The following CSMD1 variants were observed in gnomAD, a reference collection of about 807,000 sequenced individuals.
The protein encoded by CSMD1 is CUB and Sushi multiple domains 1.
In CSMD1, 213 loss-of-function variants were observed where a neutral mutation model predicts 417.5. The observed-to-expected ratio is 0.51, with a 90% CI of 0.46 to 0.57. CSMD1 has a LOEUF of 0.57. Among genes scored for constraint, CSMD1 ranks in the 20% least tolerant of loss-of-function variants. CSMD1 has a pLI of 0.00. For synonymous variants in CSMD1, 2,862 were observed against 1,736.8 expected, an observed-to-expected ratio of 1.65 and a Z score of -16.11; for missense variants, 6,923 against 4,529.7, an observed-to-expected ratio of 1.53 and a Z score of -15.17.
chr8:4,394,305 C>G (rs143132589), intron 3 of CSMD1, among the ~76,000 whole-genome samples: 18 of 152,210 alleles, frequency 1.2e-4, no homozygotes, highest in Middle Eastern at 3.4e-3. Flanking sequence ...TGTTTACCCT[C>G]CTATGTTTCA....
chr8:4,598,188 T>C (rs574742558), intron 2 of CSMD1, among the ~76,000 whole-genome samples: 1 of 152,298 alleles, frequency 6.6e-6, no homozygotes, highest in Admixed American at 6.5e-5. Flanking sequence ...TAAAACGGAA[T>C]TATCATAGTT....
chr8:4,912,310 C>G (rs1805744302), intron 1 of CSMD1, among the ~76,000 whole-genome samples: 1 of 151,360 alleles, frequency 6.6e-6, no homozygotes, highest in South Asian at 2.1e-4. Flanking sequence ...GAAACAGAAT[C>G]TAATAAAAGA....
At chr8:3,762,978 T>C (rs1193783779) in intron 5 of CSMD1, among the ~76,000 whole-genome samples, 2 of 152,218 alleles carry the variant, frequency 1.3e-5, no homozygotes, top group Non-Finnish European at 2.9e-5. Context: ...GATCTCACCA[T>C]GACATTTGGT....
At chr8:4,336,408 T>C (rs916455769) in intron 3 of CSMD1, among the ~76,000 whole-genome samples, 7 of 152,118 alleles carry the variant, frequency 4.6e-5, no homozygotes, top group East Asian at 1.9e-4. Context: ...CCACTCCTGA[T>C]GGAATGACCC....
At chr8:4,038,813 G>C (rs1018663948) in intron 3 of CSMD1, among the ~76,000 whole-genome samples, 1 of 152,166 alleles carries the variant, frequency 6.6e-6, no homozygotes, top group Non-Finnish European at 1.5e-5. Flanking sequence ...TCTCATGGCA[G>C]GTTTCCACTG....
chr8:3,917,371 C>G (rs531710463), intron 5 of CSMD1, among the ~76,000 whole-genome samples: 1 of 151,946 alleles, frequency 6.6e-6, no homozygotes, highest in Non-Finnish European at 1.5e-5. Flanking sequence ...GACACTTCAC[C>G]GCACTGCTTC....
chr8:3,316,251 C>T (rs1040908034), intron 23 of CSMD1, among the ~76,000 whole-genome samples: 4 of 152,106 alleles, frequency 2.6e-5, no homozygotes, highest in African/African-American at 9.7e-5. Context: ...GTAACATCAC[C>T]ATGTGCCCTG....
At chr8:4,069,186 C>G (rs2130771634) in intron 3 of CSMD1, among the ~76,000 whole-genome samples, 1 of 152,200 alleles carries the variant, frequency 6.6e-6, no homozygotes, top group East Asian at 1.9e-4. Flanking sequence ...AGGCATAAAA[C>G]CACATACTCT....
At chr8:3,632,098 T>C (rs1796810400) in intron 7 of CSMD1, among the ~76,000 whole-genome samples, 1 of 152,214 alleles carries the variant, frequency 6.6e-6, no homozygotes, top group African/African-American at 2.4e-5. Flanking sequence ...TTGCTTTTAT[T>C]ACCAGAATAA....
At chr8:3,406,918 G>C (rs140706910) in intron 14 of CSMD1, among the ~76,000 whole-genome samples, 214 of 152,264 alleles carry the variant, frequency 1.4e-3, no homozygotes, top group Middle Eastern at 3.4e-3. Flanking sequence ...TTTAATCCTT[G>C]GCTCCTGACA....
intron 3 of CSMD1, among the ~76,000 whole-genome samples, chr8:4,077,297 G>GTGTATATATA (rs1313094441): frequency 4.9e-5 from 6 of 121,288 alleles, no homozygotes; most frequent in South Asian, 2.5e-4. Context: ...ATATATATGT[G>GTGTATATATA]TATATATATA....
chr8:3,257,741 T>G (rs1218384840), intron 26 of CSMD1, among the ~76,000 whole-genome samples: 2 of 152,048 alleles, frequency 1.3e-5, no homozygotes, highest in Admixed American at 1.3e-4. Context: ...CATGGACATT[T>G]CTGGGGCTGG....
intron 3 of CSMD1, among the ~76,000 whole-genome samples, chr8:4,331,211 A>G (rs986310598): frequency 6.6e-6 from 1 of 152,200 alleles, no homozygotes; most frequent in Non-Finnish European, 1.5e-5. Flanking sequence ...TGACAAGATT[A>G]CTGCCTCCCA....
chr8:4,301,976 T>C (rs1327642538), intron 3 of CSMD1, among the ~76,000 whole-genome samples: 1 of 152,212 alleles, frequency 6.6e-6, no homozygotes, highest in Non-Finnish European at 1.5e-5. Context: ...TCAAACTAGA[T>C]CCTGTTCAGA....
chr8:4,424,766 C>G (rs1490787057), intron 2 of CSMD1, among the ~76,000 whole-genome samples: 3 of 152,074 alleles, frequency 2.0e-5, no homozygotes, highest in African/African-American at 7.2e-5. Context: ...CCTATCTTCA[C>G]CATAATGCAT....
intron 23 of CSMD1, among the ~76,000 whole-genome samples, chr8:3,321,151 TG>T (rs554963308): frequency 6.6e-6 from 1 of 152,182 alleles, no homozygotes; most frequent in East Asian, 1.9e-4. Flanking sequence ...CACCATCAGG[TG>T]GGTCGAATCC....
chr8:3,059,170 TTAA>T (rs1052268863), intron 49 of CSMD1, among the ~76,000 whole-genome samples: 2 of 151,380 alleles, frequency 1.3e-5, no homozygotes, highest in Non-Finnish European at 2.9e-5. Context: ...AGCACGACTA[TTAA>T]TAATAATGGC....
At chr8:3,994,186 T>A (rs1345322235) in intron 5 of CSMD1, among the ~76,000 whole-genome samples, 1 of 152,192 alleles carries the variant, frequency 6.6e-6, no homozygotes, top group East Asian at 1.9e-4. Flanking sequence ...TATTTTCTTT[T>A]TCCTTACCTT....
chr8:3,889,442 C>A (rs1363782209), intron 5 of CSMD1, among the ~76,000 whole-genome samples: 1 of 103,108 alleles, frequency 9.7e-6, no homozygotes, highest in African/African-American at 3.8e-5. Context: ...TGATATGCTT[C>A]TGATCTTTCC....
Sources: gnomAD v4.1 joint callset for allele counts (sites outside exome capture counted in the v4.1 genomes callset) on GRCh38, gnomAD v4.1.1 for gene constraint, MANE v1.5 for transcripts, NCBI Gene and HGNC (gene_info 2026-07-23, HGNC 2026-07-21) for gene names.